Variants in ARHGEF10L observed in about 807,000 individuals in gnomAD.
ARHGEF10L encodes the protein rho guanine nucleotide exchange factor 10-like protein.
Under a neutral mutation model 141.2 loss-of-function variants are expected in ARHGEF10L, and 69 were observed. The observed-to-expected ratio is 0.49, with a 90% CI of 0.40 to 0.60. The LOEUF is 0.60. Ranked by LOEUF, ARHGEF10L falls within the 20% of genes least tolerant of loss-of-function variation. ARHGEF10L has a pLI of 0.00. For missense variants in ARHGEF10L, 1,482 were observed against 1,734.3 expected (o/e 0.85, Z 2.58); for synonymous variants, 711 against 718.5 (o/e 0.99, Z 0.17).
In ARHGEF10L at chr1:17,546,380, G is replaced by A. The variant is rs2076916352; in HGVS notation, c.-44+6430G>A. 2.0e-5 allele frequency among the ~76,000 whole-genome samples: 3 copies of A among 152,128 alleles called. No individual in the cohort carries two copies. The South Asian group carries it at 6.2e-4, about 32-fold the overall frequency. On this transcript the variant is annotated intron_variant, in intron 1 of 28. Coordinates refer to ENST00000361221, the MANE Select transcript of ARHGEF10L (RefSeq NM_018125.4). Reference sequence around the variant, plus strand: ...TAATTGAGAACTTGTTTGCTTAAAGGCAACTGATTTTGACTTTATGCCTAT... The same window carrying A: ...TAATTGAGAACTTGTTTGCTTAAAGACAACTGATTTTGACTTTATGCCTAT...
At chr1:17,553,650 A>G (rs1025873101) in intron 1 of ARHGEF10L, among the ~76,000 whole-genome samples, 2 of 152,044 alleles carry the variant, frequency 1.3e-5, no homozygotes, top group African/African-American at 4.8e-5. Flanking sequence ...TTAGCCAGGC[A>G]TGATGGTGGG....
intron 6 of ARHGEF10L, among the ~76,000 whole-genome samples, chr1:17,605,706 C>T (rs766177940): frequency 5.9e-5 from 9 of 152,112 alleles, no homozygotes; most frequent in Non-Finnish European, 1.3e-4. Context: ...CGTGGCACAC[C>T]GAGGATGGAG....
chr1:17,585,672 T>C (rs2078966663), intron 2 of ARHGEF10L, among the ~76,000 whole-genome samples: 1 of 152,208 alleles, frequency 6.6e-6, no homozygotes, highest in African/African-American at 2.4e-5. Flanking sequence ...TATTATGCTC[T>C]GGGAACCTCC....
chr1:17,517,539 C>T, the ARHGEF10L span, among the ~76,000 whole-genome samples: 1 of 152,066 alleles, frequency 6.6e-6, no homozygotes, highest in Non-Finnish European at 1.5e-5. Context: ...TCTCAAACTC[C>T]TGGCCTCAAG....
intron 26 of ARHGEF10L, among the ~76,000 whole-genome samples, chr1:17,687,111 G>A (rs2102495963): frequency 6.6e-6 from 1 of 152,204 alleles, no homozygotes; most frequent in East Asian, 1.9e-4. Context: ...TCTCTCGGTT[G>A]CCTTTGTCAC....
At chr1:17,514,418 G>T in the ARHGEF10L span, among the ~76,000 whole-genome samples, 4 of 152,180 alleles carry the variant, frequency 2.6e-5, no homozygotes, top group African/African-American at 9.7e-5. Context: ...TTACAGGCGT[G>T]AGCCACTGCA....
intron 26 of ARHGEF10L, among the ~76,000 whole-genome samples, chr1:17,668,712 A>C (rs1483765519): frequency 6.6e-6 from 1 of 152,156 alleles, no homozygotes; most frequent in East Asian, 1.9e-4. Context: ...CAGCCAGGGA[A>C]ATGGAAAAGT....
intron 27 of ARHGEF10L, among the ~76,000 whole-genome samples, chr1:17,692,191 C>A (rs918531151): frequency 6.6e-6 from 1 of 152,166 alleles, no homozygotes; most frequent in Admixed American, 6.5e-5. Flanking sequence ...TCCACAGACA[C>A]CCAGGTACTG....
Position 17,656,055 on chromosome 1 carries a change from C to T in ARHGEF10L, c.2658C>T (p.Pro886=), listed in dbSNP as rs1314754447. Residue 886 remains proline (P), a synonymous_variant, in exon 24 of 29, where the codon CCC becomes CCT. Coordinates refer to ENST00000361221, the MANE Select transcript of ARHGEF10L (RefSeq NM_018125.4). This position sits in a 1 kb window ranked among gnomAD's most constrained non-coding sequence, Gnocchi z 4.9. Reference sequence around the variant, plus strand: ...ACGAGAGCCCGACAGTTGCTGACCCCTCGGCCACGGTGCATCCAACCATCT... The same window carrying T: ...ACGAGAGCCCGACAGTTGCTGACCCTTCGGCCACGGTGCATCCAACCATCT... The part of the protein sequence containing the change: ...SRDESPTVAD[P]SATVHPTICL... 3 of 1,565,542 alleles carry T rather than the reference C, an allele frequency of 1.9e-6. No homozygotes were observed. Among genetic ancestry groups the T allele is most frequent in the African/African-American group, 2.7e-5 (2 of 73,928 alleles).
rs1249152584 is a variant in ARHGEF10L, at chr1:17,695,230, T to C, written c.3257T>C (p.Val1086Ala). 2 of 1,608,480 alleles carry C rather than the reference T, an allele frequency of 1.2e-6. No homozygotes were observed. The highest frequency in any genetic ancestry group is 2.7e-5 in the African/African-American group (2 of 74,772). The change falls in exon 28 of 29, where the codon GTC becomes GCC. Residue 1086 changes from valine (V) to alanine (A), a missense_variant. Coordinates refer to ENST00000361221, the MANE Select transcript of ARHGEF10L (RefSeq NM_018125.4). ...CTCTGGGTGGGCACTGACCAGGGTG[T>C]CATCGTCCTGCTGCCCGTGCCTCGG... The part of the protein sequence containing the change: ...GLLWVGTDQG[V>A]IVLLPVPRLE...
chr1:17,596,054 C>A (rs74059337), intron 4 of ARHGEF10L, among the ~76,000 whole-genome samples: 2,905 of 152,306 alleles, frequency 0.019, 82 homozygotes, highest in African/African-American at 0.066. Flanking sequence ...TTCTTCCCCC[C>A]TCACGCCTGG....
intron 1 of ARHGEF10L, among the ~76,000 whole-genome samples, chr1:17,571,553 A>G (rs1005378408): frequency 1.4e-4 from 22 of 151,988 alleles, no homozygotes; most frequent in Non-Finnish European, 2.6e-4. Context: ...GACTTTTTTG[A>G]GATGGAGTCT....
the ARHGEF10L span, among the ~76,000 whole-genome samples, chr1:17,530,018 A>T: frequency 3.3e-5 from 5 of 151,668 alleles, no homozygotes; most frequent in African/African-American, 1.2e-4. Flanking sequence ...TTTTTAGTAG[A>T]GATGGGGTTT....
intron 2 of ARHGEF10L, among the ~76,000 whole-genome samples, chr1:17,586,895 C>T (rs368292488): frequency 2.6e-5 from 4 of 152,120 alleles, no homozygotes; most frequent in Admixed American, 2.0e-4. Flanking sequence ...AGCAAGCTGA[C>T]CTCCATGCTG....
chr1:17,587,582 A>C lies in ARHGEF10L; in HGVS notation c.160A>C (p.Ser54Arg). 6.2e-7 allele frequency: 1 copy of C among 1,614,190 alleles called. No individual in the cohort carries two copies. Among genetic ancestry groups the C allele is most frequent in the Non-Finnish European group, 8.5e-7 (1 of 1,180,012 alleles). Residue 54 changes from serine (S) to arginine (R), a missense_variant, in exon 3 of 29, where the codon AGC becomes CGC. By Grantham distance (110) the Ser-to-Arg change is moderately radical. This residue lies in a region of ARHGEF10L where 232 missense variants were observed against 225.9 expected (regional missense o/e 1.03). Transcript: ENST00000361221. ...EDTSAALGVP[S>R]LAPERDTDPP... ...CACCAGCGCAGCCCTGGGCGTCCCCAGCCTTGCTCCTGAGAGGGACACAGA... is the reference window on the plus strand; with the variant it reads ...CACCAGCGCAGCCCTGGGCGTCCCCCGCCTTGCTCCTGAGAGGGACACAGA...
At chr1:17,664,117 G>C (rs997863450) in intron 25 of ARHGEF10L, among the ~76,000 whole-genome samples, 3 of 152,190 alleles carry the variant, frequency 2.0e-5, no homozygotes, top group African/African-American at 4.8e-5. Context: ...GCATGGCATG[G>C]GTGGAGTAGG....
chr1:17,639,682 C>T lies in ARHGEF10L; in HGVS notation c.2172-520C>T. 4 of 461,964 alleles carry T rather than the reference C, an allele frequency of 8.7e-6. No homozygotes were observed. In the Admixed American group the frequency reaches 1.0e-4, roughly 12 times the overall value. The allele number at this position is 461,964 out of a possible 1,614,324, so 28.6% of individuals were successfully genotyped here. ...AGGTGAGAGGACAGCGTGGTGACAA[C>T]AGCAACCTCTGGTTGCCCCAAGCTG... On this transcript the variant is annotated intron_variant, in intron 20 of 28. Transcript: ENST00000361221. This position sits in a 1 kb window ranked among gnomAD's most constrained non-coding sequence, Gnocchi z 4.3.
At chr1:17,611,204 GC>G (rs999970628) in intron 7 of ARHGEF10L, among the ~76,000 whole-genome samples, 88 of 152,292 alleles carry the variant, frequency 5.8e-4, no homozygotes, top group African/African-American at 2.0e-3. Flanking sequence ...GCACCAGAAG[GC>G]CCAGGGGCTT....
chr1:17,540,890 C>T (rs956334462), intron 1 of ARHGEF10L, among the ~76,000 whole-genome samples: 10 of 152,170 alleles, frequency 6.6e-5, no homozygotes, highest in Admixed American at 6.5e-4. Context: ...GCAGGTTGTG[C>T]GGGCTCATTA....
Sources: allele counts gnomAD v4.1 joint callset (sites outside exome capture counted in the v4.1 genomes callset), GRCh38; gene constraint gnomAD v4.1.1; regional missense constraint gnomAD v4.1.1; non-coding constraint Gnocchi (gnomAD v3.1); transcripts MANE v1.5; gene names NCBI Gene and HGNC (gene_info 2026-07-23, HGNC 2026-07-21).